Variants in GPM6A observed in about 807,000 individuals in gnomAD.
The protein encoded by GPM6A is glycoprotein M6A, also known as neuronal membrane glycoprotein M6-a.
A neutral mutation model predicts 32.1 loss-of-function variants in GPM6A; 7 were observed. That is an observed-to-expected ratio of 0.22 (90% CI 0.12 to 0.41). GPM6A has a LOEUF of 0.41. GPM6A is among the 10% of genes least tolerant of loss of function. The probability of loss-of-function intolerance (pLI) is 1.00; values close to 1 mark genes in which losing one functional copy is unlikely to be tolerated. For synonymous variants in GPM6A, 130 were observed against 123.4 expected, an observed-to-expected ratio of 1.05 and a Z score of -0.35; for missense variants, 235 against 347.2, an observed-to-expected ratio of 0.68 and a Z score of 2.57.
At chr4:175,817,992 T>C (rs139775640) in intron 1 of GPM6A, among the ~76,000 whole-genome samples, 1 of 152,286 alleles carries the variant, frequency 6.6e-6, no homozygotes, top group Non-Finnish European at 1.5e-5. Context: ...GAAATTACCT[T>C]TCGGGTATCT....
chr4:175,726,986 A>C (rs188661414), intron 1 of GPM6A, among the ~76,000 whole-genome samples: 2 of 152,232 alleles, frequency 1.3e-5, no homozygotes, highest in Admixed American at 1.3e-4. Context: ...ACAGAGTGAG[A>C]CTCTGTCTCA....
intron 1 of GPM6A, among the ~76,000 whole-genome samples, chr4:175,811,637 A>C (rs1734923276): frequency 6.6e-6 from 1 of 152,140 alleles, no homozygotes; most frequent in African/African-American, 2.4e-5. Flanking sequence ...GCTTCCATAC[A>C]CCCTGAAAAT....
chr4:175,767,787 A>G (rs1292552018), intron 1 of GPM6A, among the ~76,000 whole-genome samples: 1 of 152,226 alleles, frequency 6.6e-6, no homozygotes, highest in Admixed American at 6.5e-5. Flanking sequence ...TCACCCATGA[A>G]TTCAGAGTTA....
chr4:175,980,448 G>T (rs1740787711), intron 1 of GPM6A, among the ~76,000 whole-genome samples: 1 of 152,174 alleles, frequency 6.6e-6, no homozygotes, highest in South Asian at 2.1e-4. Context: ...AACAGGATTT[G>T]AACCCTAGAA....
chr4:175,683,485 G>T (rs1743799919), intron 2 of GPM6A, among the ~76,000 whole-genome samples: 1 of 151,994 alleles, frequency 6.6e-6, no homozygotes, highest in African/African-American at 2.4e-5. Flanking sequence ...CATGAGATTT[G>T]GGAGAGTCCA....
chr4:175,711,410 ATATATATATATATATATATATATATAT>A (rs1296378084), intron 1 of GPM6A, among the ~76,000 whole-genome samples: 1 of 5,440 alleles, frequency 1.8e-4, no homozygotes, highest in African/African-American at 5.8e-4. Flanking sequence ...GGCACACCAA[ATATATATATATATATATATATATATAT>A]ATATATATAT....
intron 1 of GPM6A, among the ~76,000 whole-genome samples, chr4:175,735,475 A>T (rs1159273718): frequency 2.0e-5 from 3 of 152,090 alleles, no homozygotes; most frequent in East Asian, 3.9e-4. Context: ...TCACTGTAAA[A>T]TTTTTTTCAC....
At chr4:175,670,865 T>C (rs1046936298) in intron 3 of GPM6A, among the ~76,000 whole-genome samples, 1 of 149,620 alleles carries the variant, frequency 6.7e-6, no homozygotes, top group East Asian at 1.9e-4. Flanking sequence ...TGCTTCATTT[T>C]TTTTTTTTTT....
chr4:175,798,686 T>A (rs1205188490), intron 1 of GPM6A: 1 of 152,190 alleles, frequency 6.6e-6, no homozygotes, highest in African/African-American at 2.4e-5. Context: ...CACAGATAGG[T>A]AAGTTTTGAA....
intron 1 of GPM6A, among the ~76,000 whole-genome samples, chr4:175,761,392 T>C (rs530012972): frequency 2.0e-5 from 3 of 152,172 alleles, no homozygotes; most frequent in African/African-American, 7.2e-5. Context: ...GGGCCCAGCC[T>C]AGTGCAAAAA....
chr4:175,840,335 G>T (rs1348522476), intron 1 of GPM6A, among the ~76,000 whole-genome samples: 1 of 152,156 alleles, frequency 6.6e-6, no homozygotes, highest in South Asian at 2.1e-4. Context: ...ATTAATAAGT[G>T]CATATTGAAT....
intron 2 of GPM6A, among the ~76,000 whole-genome samples, chr4:175,695,853 C>G (rs1744550645): frequency 6.6e-6 from 1 of 152,044 alleles, no homozygotes. Flanking sequence ...ATCTCATGTT[C>G]AATTATAATC....
At chr4:175,841,718 G>A (rs1394833412) in intron 1 of GPM6A, among the ~76,000 whole-genome samples, 2 of 152,014 alleles carry the variant, frequency 1.3e-5, no homozygotes, top group Admixed American at 1.3e-4. Flanking sequence ...TATTAACATA[G>A]GAAAAAATGT....
At chr4:175,885,830 T>G (rs1318049687) in intron 1 of GPM6A, among the ~76,000 whole-genome samples, 2 of 152,198 alleles carry the variant, frequency 1.3e-5, no homozygotes, top group Non-Finnish European at 2.9e-5. Flanking sequence ...ATTATTACAC[T>G]TAGGATTTGC....
chr4:175,743,979 G>A (rs1182618314), intron 1 of GPM6A, among the ~76,000 whole-genome samples: 1 of 150,864 alleles, frequency 6.6e-6, no homozygotes, highest in South Asian at 2.1e-4. Context: ...AAAACAAAAG[G>A]TCAAGAAGGC....
intron 1 of GPM6A, among the ~76,000 whole-genome samples, chr4:175,853,594 A>G (rs1345470454): frequency 1.3e-5 from 2 of 151,884 alleles, no homozygotes; most frequent in East Asian, 3.9e-4. Context: ...CTCTTTACAA[A>G]GAATTAATAA....
chr4:175,737,132 G>A (rs989524841), intron 1 of GPM6A, among the ~76,000 whole-genome samples: 22 of 152,180 alleles, frequency 1.4e-4, no homozygotes, highest in African/African-American at 5.3e-4. Flanking sequence ...AGAACACGGT[G>A]TGAAGTAAAA....
intron 1 of GPM6A, among the ~76,000 whole-genome samples, chr4:175,749,628 C>T (rs995104669): frequency 2.0e-5 from 3 of 152,138 alleles, no homozygotes; most frequent in Non-Finnish European, 4.4e-5. Context: ...GCTCAAATAT[C>T]GAAGCAGGGT....
At chr4:175,884,522 G>A (rs1199138860) in intron 1 of GPM6A, among the ~76,000 whole-genome samples, 2 of 151,980 alleles carry the variant, frequency 1.3e-5, no homozygotes, top group Non-Finnish European at 2.9e-5. Flanking sequence ...CATTTATTGT[G>A]ACCAAAATTA....
Sources: gnomAD v4.1 joint callset for allele counts (sites outside exome capture counted in the v4.1 genomes callset) on GRCh38, gnomAD v4.1.1 for gene constraint, MANE v1.5 for transcripts, NCBI Gene and HGNC (gene_info 2026-07-23, HGNC 2026-07-21) for gene names.